Variants in FLT1 observed in about 807,000 individuals in gnomAD.
FLT1 encodes fms related receptor tyrosine kinase 1.
A neutral mutation model predicts 156.3 loss-of-function variants in FLT1; 49 were observed. The observed-to-expected ratio is 0.31, with a 90% confidence interval of 0.25 to 0.40. FLT1 has a LOEUF of 0.40. Ranked by LOEUF, FLT1 falls within the 10% of genes least tolerant of loss-of-function variation. FLT1 has a pLI of 1.00. For missense variants in FLT1, 1,322 were observed against 1,637.2 expected (o/e 0.81, Z 3.32); for synonymous variants, 594 against 583.8 (o/e 1.02, Z -0.25).
chr13:28,386,983 C>T (rs1030560824), intron 13 of FLT1: 20 of 1,042,082 alleles, frequency 1.9e-5, no homozygotes, highest in South Asian at 4.6e-5. Context: ...GAGCCCACAA[C>T]ACTAAAATTG....
In FLT1 at chr13:28,390,030, C is replaced by T. The variant is rs1565998975; in HGVS notation, c.1735G>A (p.Val579Ile). 6.2e-7 allele frequency: 1 copy of T among 1,614,212 alleles called. No individual in the cohort carries two copies. The highest frequency in any genetic ancestry group is 8.5e-7 in the Non-Finnish European group (1 of 1,180,034). The change falls in exon 13 of 30, where the codon GTT becomes ATT. Residue 579 changes from valine (V) to isoleucine (I), a missense_variant. Around this residue, in one of 3 missense-constraint regions of FLT1, gnomAD observed 991 missense variants for 1,254.8 expected, o/e 0.79. Transcript: ENST00000282397. ...EGEDLKLSCTVNKFLYRDVTW... is the reference protein window; with the variant it reads ...EGEDLKLSCTINKFLYRDVTW... ...ACGTCTCTGTATAAGAACTTGTTAA[C>T]TGTGCAAGACAGTTTCAGGTCCTCT... is the stretch of plus-strand genomic sequence containing the variant.
chr13:28,482,277 A>G (rs556793399), intron 1 of FLT1, among the ~76,000 whole-genome samples: 1 of 152,256 alleles, frequency 6.6e-6, no homozygotes, highest in South Asian at 2.1e-4. Flanking sequence ...CATCTCTACT[A>G]AAAATACAAT....
rs1593762430 is a variant in FLT1 at position 28,412,385 on chromosome 13, T to TTTCTTTCTTTCTTTCTTTCTTTCC, written c.1437-6492_1437-6491insGGAAAGAAAGAAAGAAAGAAAGAA. On this transcript the variant is annotated intron_variant, in intron 10 of 29. Coordinates refer to ENST00000282397, the MANE Select transcript of FLT1 (RefSeq NM_002019.4). ...CTTTCTTTCTTTCTTTCTTTCTTTC[T>TTTCTTTCTTTCTTTCTTTCTTTCC]TTCTTTCTTTCTTTCTTTCTTTCTT... is the stretch of plus-strand genomic sequence containing the variant. Among the ~76,000 whole-genome samples, 825 of 84,732 alleles carry TTTCTTTCTTTCTTTCTTTCTTTCC rather than the reference T, an allele frequency of 9.7e-3. 100 individuals are homozygous for TTTCTTTCTTTCTTTCTTTCTTTCC. Among genetic ancestry groups the TTTCTTTCTTTCTTTCTTTCTTTCC allele is most frequent in the East Asian group, 0.027 (75 of 2,754 alleles). 55.6% of individuals were successfully genotyped at this position (84,732 alleles called of 152,430 possible).
rs370384568 is a variant in FLT1, at chr13:28,458,060, G to A, written c.388+8843C>T. Among the ~76,000 whole-genome samples, 39 of 148,548 alleles carry A rather than the reference G, an allele frequency of 2.6e-4. No individual in the cohort carries two copies. The South Asian group carries it at 7.1e-3, about 27-fold the overall frequency. ...AGCGATTCTCCTGCCTCAGCCTCCCGAGTAGCTGGGACTATACACATGCGC... is the reference window on the plus strand; with the variant it reads ...AGCGATTCTCCTGCCTCAGCCTCCCAAGTAGCTGGGACTATACACATGCGC... On this transcript the variant is annotated intron_variant, in intron 3 of 29. Transcript: ENST00000282397.
intron 18 of FLT1, 54 bp from the exon 19 acceptor site, chr13:28,329,782 C>CCTCCGG: frequency 2.1e-6 from 3 of 1,434,852 alleles, no homozygotes; most frequent in Non-Finnish European, 2.9e-6. Context: ...GCTCCTTCCG[C>CCTCCGG]CGGAGGCGGC....
chr13:28,372,942 T>A lies in FLT1; in HGVS notation c.2116+11943A>T, dbSNP rs182480653. On this transcript the variant is annotated intron_variant, in intron 14 of 29. Coordinates refer to ENST00000282397, the MANE Select transcript of FLT1 (RefSeq NM_002019.4). ...TAAGACATGAAACTGTAGCCCTTTT[T>A]ACCTCTTTCTCAGTGGCAAAGAGCC... Among the ~76,000 whole-genome samples the A allele has an allele frequency of 3.5e-3, 534 of 152,084 alleles. 2 individuals are homozygous for A. The highest frequency in any genetic ancestry group is 0.015 in the South Asian group (73 of 4,786).
chr13:28,388,280 T>G, intron 13 of FLT1: 2 of 1,056,712 alleles, frequency 1.9e-6, no homozygotes, highest in Non-Finnish European at 2.3e-6. Context: ...CTCTTTCACG[T>G]TTGACAAAAG....
intron 14 of FLT1, among the ~76,000 whole-genome samples, chr13:28,371,472 C>T (rs1041265608): frequency 3.9e-5 from 6 of 152,172 alleles, no homozygotes; most frequent in Non-Finnish European, 8.8e-5. Context: ...GCTGTAGCTG[C>T]TACCCATCTA....
chr13:28,412,350 C>CTTTTTCTTTCTTTT (rs71086853), intron 10 of FLT1, among the ~76,000 whole-genome samples: 1 of 93,708 alleles, frequency 1.1e-5, no homozygotes. Flanking sequence ...TTCTTTCTTT[C>CTTTTTCTTTCTTTT]TCTTTCTTTC....
At chr13:28,335,665 C>T (rs888203597) in intron 17 of FLT1, among the ~76,000 whole-genome samples, 6 of 152,196 alleles carry the variant, frequency 3.9e-5, no homozygotes, top group Non-Finnish European at 7.3e-5. Context: ...TCTGCAGGGA[C>T]ATGCTCTGCA....
At chr13:28,366,720 C>T (rs999861860) in intron 14 of FLT1, among the ~76,000 whole-genome samples, 1 of 152,140 alleles carries the variant, frequency 6.6e-6, no homozygotes. Context: ...ATCCACCTGC[C>T]TGGGCCTCCT....
intron 3 of FLT1, among the ~76,000 whole-genome samples, chr13:28,459,077 G>A (rs980681564): frequency 1.3e-5 from 2 of 152,154 alleles, no homozygotes; most frequent in African/African-American, 4.8e-5. Flanking sequence ...TGTGCAGATG[G>A]GCCAGAAAAT....
intron 3 of FLT1, among the ~76,000 whole-genome samples, chr13:28,464,323 C>T (rs530227691): frequency 2.6e-5 from 4 of 152,220 alleles, no homozygotes; most frequent in Admixed American, 6.5e-5. Context: ...TAATTTTCTG[C>T]GAATGGTTGT....
chr13:28,362,050 A>T (rs1259153076), intron 14 of FLT1, among the ~76,000 whole-genome samples: 2 of 152,210 alleles, frequency 1.3e-5, no homozygotes, highest in Non-Finnish European at 2.9e-5. Context: ...TCAAATCTGG[A>T]TGGTGGGAAA....
At position 28,477,530 on chromosome 13, in the gene FLT1, C is replaced by T. The variant is rs115615578; in HGVS notation, c.65-9913G>A. On this transcript the variant is annotated intron_variant, in intron 1 of 29. Coordinates refer to ENST00000282397, the MANE Select transcript of FLT1 (RefSeq NM_002019.4). ...AAAGGTCAAGATCTGGTTGACAGGG[C>T]ACGAGACATAACTCGTAAAATACTC... is the stretch of plus-strand genomic sequence containing the variant. Among the ~76,000 whole-genome samples the T allele has an allele frequency of 4.8e-3, 726 of 152,272 alleles. 8 individuals are homozygous for T. Among genetic ancestry groups the T allele is most frequent in the African/African-American group, 0.017 (700 of 41,552 alleles).
rs1227506697 is a variant in FLT1, at chr13:28,427,306, A to G, written c.1289T>C (p.Ile430Thr). ...ATLIVNVKPQ[I>T]YEKAVSSFPD... The stretch of plus-strand genomic sequence containing the variant: ...AAACGATGACACGGCCTTTTCGTAA[A>G]TCTGGGGTTTCACTGGAAAGGAGAT... Residue 430 changes from isoleucine (I) to threonine (T), a missense_variant, in exon 10 of 30, where the codon ATT becomes ACT. Coordinates refer to ENST00000282397, the MANE Select transcript of FLT1 (RefSeq NM_002019.4). 2.5e-6 allele frequency: 4 copies of G among 1,614,004 alleles called. No individual in the cohort carries two copies. Among genetic ancestry groups the G allele is most frequent in the Non-Finnish European group, 3.4e-6 (4 of 1,179,936 alleles).
chr13:28,469,493 A>G (rs966677534), intron 1 of FLT1, among the ~76,000 whole-genome samples: 2 of 152,142 alleles, frequency 1.3e-5, no homozygotes, highest in Non-Finnish European at 2.9e-5. Context: ...GCTGCTCCTC[A>G]GGCTCCTCGT....
At chr13:28,412,776 G>A (rs1481656170) in intron 10 of FLT1, among the ~76,000 whole-genome samples, 11 of 114,798 alleles carry the variant, frequency 9.6e-5, no homozygotes, top group Admixed American at 3.4e-4. Flanking sequence ...TCTCTCTGTC[G>A]CCCAGGCTGG....
chr13:28,494,566 A>C (rs1279159931), intron 1 of FLT1, among the ~76,000 whole-genome samples: 2 of 152,162 alleles, frequency 1.3e-5, no homozygotes, highest in Admixed American at 6.5e-5. Context: ...TCGCGGGTCC[A>C]GGCCAGCCAC....
Sources: allele counts gnomAD v4.1 joint callset (sites outside exome capture counted in the v4.1 genomes callset), GRCh38; gene constraint gnomAD v4.1.1; regional missense constraint gnomAD v4.1.1; transcripts MANE v1.5; gene names NCBI Gene and HGNC (gene_info 2026-07-23, HGNC 2026-07-21).